Variants in CXCR2 observed in about 807,000 individuals in gnomAD.
CXCR2 encodes the protein C-X-C motif chemokine receptor 2.
CXCR2 carries 2 observed loss-of-function variants against 3.7 expected under a neutral mutation model. That is an observed-to-expected ratio of 0.55 (90% confidence interval 0.22 to 1.72). The LOEUF (loss-of-function observed/expected upper bound fraction) is 1.72, where lower values mean the gene tolerates loss of function less well. CXCR2 is among the 40% of genes most tolerant of loss of function. CXCR2 has a pLI of 0.19. For missense variants in CXCR2, 351 were observed against 450.1 expected (o/e 0.78, Z 1.99); for synonymous variants, 203 against 193.3 (o/e 1.05, Z -0.41).
intron 2 of CXCR2, among the ~76,000 whole-genome samples, chr2:218,133,327 T>A (rs541198901): frequency 8.7e-5 from 11 of 126,998 alleles, no homozygotes; most frequent in African/African-American, 3.4e-4. Context: ...TGAGGCAGAG[T>A]CTCGCTCTGT....
intron 2 of CXCR2, among the ~76,000 whole-genome samples, chr2:218,133,059 G>A (rs1305616404): frequency 6.6e-6 from 1 of 152,122 alleles, no homozygotes; most frequent in East Asian, 1.9e-4. Flanking sequence ...ATCTTTTTCT[G>A]AGTGTGCCCA....
intron 2 of CXCR2, among the ~76,000 whole-genome samples, chr2:218,132,202 A>T (rs376845048): frequency 2.0e-5 from 3 of 152,180 alleles, no homozygotes; most frequent in African/African-American, 7.2e-5. Context: ...ATTCCAGAAC[A>T]CTTTTATCAC....
rs759443511 is a variant in CXCR2 at position 218,135,817 on chromosome 2, C to A, written c.1016C>A (p.Ser339Tyr). Residue 339 changes from serine (S) to tyrosine (Y), a missense_variant, in exon 3 of 3, where the codon TCC (serine) becomes TAC (tyrosine). Ser to Tyr is a moderately radical substitution (Grantham distance 144). Transcript: ENST00000318507. The surrounding 1 kb of genome is among the most constrained non-coding windows in gnomAD (Gnocchi z 4.0). The stretch of plus-strand genomic sequence containing the variant: ...ATACATGGCTTGATCAGCAAGGACT[C>A]CCTGCCCAAAGACAGCAGGCCTTCC... ...LAIHGLISKD[S>Y]LPKDSRPSFV... is the part of the protein sequence containing the mutation. The A allele has an allele frequency of 6.2e-7, 1 of 1,614,006 alleles. No homozygotes were observed. The highest frequency in any genetic ancestry group is 1.3e-5 in the African/African-American group (1 of 74,914).
In CXCR2 at chr2:218,135,031, G is replaced by A. The variant is rs1690748713; in HGVS notation, c.230G>A (p.Arg77Lys). Residue 77 changes from arginine (R) to lysine (K), a missense_variant, in exon 3 of 3, where the codon AGG becomes AAG. Transcript: ENST00000318507. The surrounding 1 kb of genome is among the most constrained non-coding windows in gnomAD (Gnocchi z 4.0). ...GTGATGCTGGTCATCTTATACAGCAGGGTCGGCCGCTCCGTCACTGATGTC... is the reference window on the plus strand; with the variant it reads ...GTGATGCTGGTCATCTTATACAGCAAGGTCGGCCGCTCCGTCACTGATGTC... ...SLVMLVILYSRVGRSVTDVYL... is the reference protein window; with the variant it reads ...SLVMLVILYSKVGRSVTDVYL... The A allele has an allele frequency of 6.2e-7, 1 of 1,614,104 alleles. No individual in the cohort carries two copies. Among genetic ancestry groups the A allele is most frequent in the Non-Finnish European group, 8.5e-7 (1 of 1,180,042 alleles).
intron 2 of CXCR2, 98 bp downstream of exon 2, chr2:218,129,463 C>G (rs1305000057): frequency 6.6e-6 from 1 of 152,338 alleles, no homozygotes; most frequent in South Asian, 2.1e-4. Flanking sequence ...CATCTCTCCC[C>G]ACCCTTGGTG....
intron 1 of CXCR2, among the ~76,000 whole-genome samples, chr2:218,127,540 C>A (rs1690540278): frequency 6.6e-6 from 1 of 152,176 alleles, no homozygotes; most frequent in Non-Finnish European, 1.5e-5. Context: ...AATCTGGGCT[C>A]CCCTCTCTAC....
Position 218,135,143 on chromosome 2 carries a change from T to C in CXCR2, c.342T>C (p.Phe114=). The C allele has an allele frequency of 1.9e-6, 3 of 1,614,242 alleles. No homozygotes were observed. Among genetic ancestry groups the C allele is most frequent in the Non-Finnish European group, 2.5e-6 (3 of 1,180,036 alleles). The change falls in exon 3 of 3, where the codon TTT becomes TTC. Residue 114 remains phenylalanine (F), a synonymous_variant. Transcript: ENST00000318507. This position sits in a 1 kb window ranked among gnomAD's most constrained non-coding sequence, Gnocchi z 4.0. The part of the protein sequence containing the change: ...WAASKVNGWI[F]GTFLCKVVSL... The stretch of plus-strand genomic sequence containing the variant: ...CCTCCAAGGTGAATGGCTGGATTTT[T>C]GGCACATTCCTGTGCAAGGTGGTCT...
chr2:218,128,481 G>A (rs1690562491), intron 1 of CXCR2, among the ~76,000 whole-genome samples: 1 of 152,240 alleles, frequency 6.6e-6, no homozygotes, highest in Non-Finnish European at 1.5e-5. Flanking sequence ...GCACTTGTGA[G>A]ACAGCAGAAT....
At chr2:218,134,348 C>A (rs1690726351) in intron 2 of CXCR2, among the ~76,000 whole-genome samples, 2 of 152,064 alleles carry the variant, frequency 1.3e-5, no homozygotes, top group East Asian at 3.9e-4. Context: ...TCCTGAGCAA[C>A]ATAACAAGTC....
At position 218,137,112 on chromosome 2, in the gene CXCR2, A is replaced by G. The variant is rs200153685; in HGVS notation, c.*1228A>G. 2.4e-5 allele frequency: 4 copies of G among 166,832 alleles called. No individual in the cohort carries two copies. Among genetic ancestry groups the G allele is most frequent in the African/African-American group, 9.7e-5 (4 of 41,396 alleles). 10.3% of individuals were successfully genotyped at this position (166,832 alleles called of 1,614,324 possible). On this transcript the variant is annotated 3_prime_UTR_variant, in exon 3 of 3. Coordinates refer to ENST00000318507, the MANE Select transcript of CXCR2 (RefSeq NM_001557.4). The stretch of plus-strand genomic sequence containing the variant: ...TGTTATGTATATTTTATATCAATTT[A>G]AAAAAAAACCTGAGCCCCAAAAGGT...
rs757488590 is a variant in CXCR2 at position 218,134,762 on chromosome 2, A to G, written c.-25-15A>G. 1.3e-6 allele frequency: 2 copies of G among 1,581,536 alleles called. No homozygotes were observed. Among genetic ancestry groups the G allele is most frequent in the East Asian group, 4.5e-5 (2 of 44,516 alleles). On this transcript the variant is annotated splice_polypyrimidine_tract_variant and intron_variant, in intron 2 of 2. Coordinates refer to ENST00000318507, the MANE Select transcript of CXCR2 (RefSeq NM_001557.4). ...GGGAATTTATTATGCAGTAACCTTC[A>G]TCTCTCTTCTATAGGTCAGGATTTA...
chr2:218,131,619 G>A lies in CXCR2; in HGVS notation c.-26+2254G>A, dbSNP rs376357485. On this transcript the variant is annotated intron_variant, in intron 2 of 2. Coordinates refer to ENST00000318507, the MANE Select transcript of CXCR2 (RefSeq NM_001557.4). ...CGAGTAGCTGGGACCACAGGCGCCC[G>A]CCACCACGCCCAGCTAATTTTTTGT... Among the ~76,000 whole-genome samples, 38 of 151,934 alleles carry A rather than the reference G, an allele frequency of 2.5e-4. No homozygotes were observed. The South Asian group carries it at 4.4e-3, about 17-fold the overall frequency.
Position 218,131,356 on chromosome 2 carries a change from C to G in CXCR2, c.-26+1991C>G, listed in dbSNP as rs371723584. 2.0e-5 allele frequency among the ~76,000 whole-genome samples: 3 copies of G among 152,324 alleles called. 1 individual carries two copies. The highest frequency in any genetic ancestry group is 7.2e-5 in the African/African-American group (3 of 41,564). On this transcript the variant is annotated intron_variant, in intron 2 of 2. Transcript: ENST00000318507. ...TCAGGTCTTGCTGACCATACTGGTCCAGCAAGCTGTATTCCCAGCCCTCTC... is the reference window on the plus strand; with the variant it reads ...TCAGGTCTTGCTGACCATACTGGTCGAGCAAGCTGTATTCCCAGCCCTCTC...
chr2:218,133,109 C>T (rs1013003885), intron 2 of CXCR2, among the ~76,000 whole-genome samples: 1 of 151,984 alleles, frequency 6.6e-6, no homozygotes, highest in Non-Finnish European at 1.5e-5. Context: ...CCTTTAACTT[C>T]CTGGTTTTTC....
rs199516582 is a variant in CXCR2 at position 218,137,202 on chromosome 2, A to C, written c.*1318A>C. On this transcript the variant is annotated 3_prime_UTR_variant, in exon 3 of 3. Coordinates refer to ENST00000318507, the MANE Select transcript of CXCR2 (RefSeq NM_001557.4). The stretch of plus-strand genomic sequence containing the variant: ...ACCTGCCTATATTTTTTGTTAAATG[A>C]TTTCATTCAATATCTTTTTTTTAAT... The C allele has an allele frequency of 6.0e-6, 1 of 167,052 alleles. No individual in the cohort carries two copies. The highest frequency in any genetic ancestry group is 2.1e-4 in the South Asian group (1 of 4,820). The allele number at this position is 167,052 out of a possible 1,614,324, so 10.3% of individuals were successfully genotyped here.
At chr2:218,130,818 TC>T (rs2106102453) in intron 2 of CXCR2, 1 of 152,436 alleles carries the variant, frequency 6.6e-6, no homozygotes, top group East Asian at 1.9e-4. Context: ...AACACCCCTC[TC>T]CCTACCCTAG....
At chr2:218,134,748 A>G (rs2106107508) in intron 2 of CXCR2, 29 bp from the exon 3 acceptor site, 3 of 1,554,912 alleles carry the variant, frequency 1.9e-6, no homozygotes, top group Non-Finnish European at 2.6e-6. Context: ...GGAATTTATT[A>G]TGCAGTAACC....
chr2:218,130,276 C>T (rs989483838), intron 2 of CXCR2, among the ~76,000 whole-genome samples: 4 of 151,932 alleles, frequency 2.6e-5, no homozygotes, highest in Non-Finnish European at 5.9e-5. Context: ...AAAAATTGGC[C>T]GGGTGCAGTG....
intron 2 of CXCR2, among the ~76,000 whole-genome samples, chr2:218,133,200 G>T (rs1690692377): frequency 6.6e-6 from 1 of 151,936 alleles, no homozygotes; most frequent in Non-Finnish European, 1.5e-5. Flanking sequence ...TTACTCTAAG[G>T]CAATGGCCGG....
Sources: gnomAD v4.1 joint callset for allele counts (sites outside exome capture counted in the v4.1 genomes callset) on GRCh38, gnomAD v4.1.1 for gene constraint, Gnocchi (gnomAD v3.1) non-coding constraint, MANE v1.5 for transcripts, NCBI Gene and HGNC (gene_info 2026-07-23, HGNC 2026-07-21) for gene names.